The following SPATA13 variants were observed in gnomAD, a reference collection of about 807,000 sequenced individuals.
SPATA13 encodes the protein spermatogenesis-associated protein 13.
In SPATA13, 50 loss-of-function variants were observed where a neutral mutation model predicts 104.0. The ratio of observed to expected loss-of-function variants is 0.48; its 90% confidence interval spans 0.38 to 0.61. The LOEUF is 0.61. Ranked by LOEUF, SPATA13 falls within the 20% of genes least tolerant of loss-of-function variation. The pLI is 0.00. For missense variants in SPATA13, 1,524 were observed against 1,690.6 expected (o/e 0.90, Z 1.73); for synonymous variants, 606 against 667.5 (o/e 0.91, Z 1.42).
intron 3 of SPATA13, among the ~76,000 whole-genome samples, chr13:24,103,466 C>T (rs1404759648): frequency 2.3e-5 from 2 of 87,872 alleles, no homozygotes; most frequent in African/African-American, 9.3e-5. Context: ...GCCTGGGCAA[C>T]AGAGCAAGAC....
chr13:24,158,131 T>C (rs1882318293), upstream of SPATA13, among the ~76,000 whole-genome samples: 1 of 152,170 alleles, frequency 6.6e-6, no homozygotes, highest in Non-Finnish European at 1.5e-5. Context: ...GCAGAAAGCA[T>C]CAGTGTTGTT....
rs1360333193 is a variant in SPATA13, at chr13:24,223,728, A to G, written c.799A>G (p.Lys267Glu). The change falls in exon 2 of 13, where the codon AAG becomes GAG. Residue 267 changes from lysine to glutamate, a missense_variant. Lys to Glu is a moderately conservative substitution (Grantham distance 56, BLOSUM62 1). Transcript: ENST00000382108. ...NLAFLKKSSF[K>E]RKSTSNLADL... is the part of the protein sequence containing the mutation. ...TGCCTTTCTGAAGAAGAGCTCCTTT[A>G]AGCGGAAGTCCACCTCCAATCTTGC... The G allele has an allele frequency of 4.5e-6, 7 of 1,551,936 alleles. No individual in the cohort carries two copies. The African/African-American group carries it at 9.6e-5, about 21-fold the overall frequency.
intron 3 of SPATA13, among the ~76,000 whole-genome samples, chr13:24,107,448 A>G (rs1333723186): frequency 6.6e-6 from 1 of 152,104 alleles, no homozygotes; most frequent in Non-Finnish European, 1.5e-5. Context: ...CCAAGGCCCT[A>G]GGAAGGAATA....
intron 2 of SPATA13, among the ~76,000 whole-genome samples, chr13:24,237,625 A>G (rs889739824): frequency 1.3e-5 from 2 of 152,074 alleles, no homozygotes; most frequent in Non-Finnish European, 2.9e-5. Context: ...ATAATTACAT[A>G]ACAGTGTGAA....
At chr13:24,204,470 T>C (rs552448309) in intron 1 of SPATA13, among the ~76,000 whole-genome samples, 1 of 152,250 alleles carries the variant, frequency 6.6e-6, no homozygotes, top group African/African-American at 2.4e-5. Context: ...CTTTAACCAT[T>C]TTTAGGCATA....
chr13:24,114,646 T>G lies in SPATA13; in HGVS notation c.-112+96945T>G, dbSNP rs1045073491. Among the ~76,000 whole-genome samples the G allele has an allele frequency of 3.9e-5, 6 of 151,954 alleles. No individual in the cohort carries two copies. The South Asian group carries it at 6.2e-4, about 16-fold the overall frequency. ...GTCAAACTCTCCTTAGTTTTTTTTT[T>G]GTTGTTGTTTTTTGTTGTTGTTTTT... On this transcript the variant is annotated intron_variant, in intron 3 of 14. Coordinates refer to the SPATA13 transcript ENST00000424834.
chr13:24,239,308 TG>T (rs1443513237), intron 2 of SPATA13, among the ~76,000 whole-genome samples: 1 of 152,196 alleles, frequency 6.6e-6, no homozygotes, highest in African/African-American at 2.4e-5. Context: ...AAATACTTAG[TG>T]GTCCTCTATC....
chr13:24,029,617 T>A (rs1249125811), intron 3 of SPATA13, among the ~76,000 whole-genome samples: 1 of 152,216 alleles, frequency 6.6e-6, no homozygotes, highest in East Asian at 1.9e-4. Flanking sequence ...GCAAATTTTT[T>A]AAATTTAGAT....
chr13:24,229,573 A>T (rs1382741205), intron 2 of SPATA13, among the ~76,000 whole-genome samples: 1 of 152,278 alleles, frequency 6.6e-6, no homozygotes, highest in East Asian at 1.9e-4. Context: ...TCCATCCTAG[A>T]TTGACATGGC....
intron 4 of SPATA13, among the ~76,000 whole-genome samples, chr13:24,272,016 A>G (rs1053220177): frequency 2.0e-5 from 3 of 152,250 alleles, no homozygotes; most frequent in African/African-American, 7.2e-5. Context: ...AACACAGACC[A>G]CATGAGTGAG....
chr13:24,151,677 C>T (rs1209230898), intron 3 of SPATA13, among the ~76,000 whole-genome samples: 1 of 152,084 alleles, frequency 6.6e-6, no homozygotes, highest in Non-Finnish European at 1.5e-5. Context: ...GCTGTGGGTA[C>T]ATCACCAACC....
At chr13:24,018,705 T>C (rs1039891559) in intron 3 of SPATA13, among the ~76,000 whole-genome samples, 1 of 152,234 alleles carries the variant, frequency 6.6e-6, no homozygotes, top group African/African-American at 2.4e-5. Context: ...CATTGACTTT[T>C]CATTTGCTAT....
At chr13:24,116,626 A>T (rs1215608225) in intron 3 of SPATA13, among the ~76,000 whole-genome samples, 1 of 152,160 alleles carries the variant, frequency 6.6e-6, no homozygotes, top group Non-Finnish European at 1.5e-5. Context: ...TCAGAGGGTA[A>T]TGTGCTTGCC....
intron 4 of SPATA13, among the ~76,000 whole-genome samples, chr13:24,263,817 T>G (rs1451370633): frequency 6.6e-6 from 1 of 152,250 alleles, no homozygotes; most frequent in African/African-American, 2.4e-5. Flanking sequence ...ATCAATTCAC[T>G]TATCAGTACT....
Position 24,305,271 on chromosome 13 carries a change from C to T in SPATA13, c.*2498C>T, listed in dbSNP as rs1274544146. 6.6e-6 allele frequency: 1 copy of T among 152,206 alleles called. No homozygotes were observed. Among genetic ancestry groups the T allele is most frequent in the African/African-American group, 2.4e-5 (1 of 41,450 alleles). The allele number at this position is 152,206 out of a possible 1,614,324, so 9.4% of individuals were successfully genotyped here. ...ACCTCCACGGACTTCCTAACAGAGACTTATGAATACCAGGATGTGTTTTTG... is the reference window on the plus strand; with the variant it reads ...ACCTCCACGGACTTCCTAACAGAGATTTATGAATACCAGGATGTGTTTTTG... On this transcript the variant is annotated 3_prime_UTR_variant, in exon 13 of 13. Coordinates refer to ENST00000382108, the MANE Select transcript of SPATA13 (RefSeq NM_001166271.3).
chr13:24,245,768 AT>A (rs928933152), intron 2 of SPATA13, among the ~76,000 whole-genome samples: 6 of 151,210 alleles, frequency 4.0e-5, no homozygotes, highest in African/African-American at 1.5e-4. Flanking sequence ...TTATTTATTT[AT>A]TTTTAGATGA....
intron 2 of SPATA13, 72 bp from the exon 3 acceptor site, chr13:24,249,405 G>C (rs1873346014): frequency 6.9e-7 from 1 of 1,444,576 alleles, no homozygotes; most frequent in Admixed American, 2.9e-5. Context: ...TGGTGAGAGG[G>C]AATGTATGGC....
At chr13:24,203,064 A>C (rs1205952029) in intron 1 of SPATA13, among the ~76,000 whole-genome samples, 1 of 152,002 alleles carries the variant, frequency 6.6e-6, no homozygotes, top group East Asian at 1.9e-4. Flanking sequence ...TTGGCTGCAG[A>C]TCATCCCATC....
intron 1 of SPATA13, among the ~76,000 whole-genome samples, chr13:24,180,583 C>T (rs1279367783): frequency 6.6e-6 from 1 of 152,156 alleles, no homozygotes; most frequent in African/African-American, 2.4e-5. Context: ...ATTTGGGATG[C>T]ATTGCCATTT....
Sources: allele counts gnomAD v4.1 joint callset (sites outside exome capture counted in the v4.1 genomes callset), GRCh38; gene constraint gnomAD v4.1.1; transcripts MANE v1.5; gene names NCBI Gene and HGNC (gene_info 2026-07-23, HGNC 2026-07-21).